The following VPS13C variants were observed in gnomAD, a reference collection of about 807,000 sequenced individuals.
VPS13C encodes the protein intermembrane lipid transfer protein VPS13C.
VPS13C carries 358 observed loss-of-function variants against 456.8 expected under a neutral mutation model. That is an observed-to-expected ratio of 0.78 (90% CI 0.72 to 0.86). The LOEUF is 0.86. Ranked by LOEUF, VPS13C falls within the 40% of genes least tolerant of loss-of-function variation. The probability of loss-of-function intolerance (pLI) is 0.00; values close to 1 mark genes in which losing one functional copy is unlikely to be tolerated. For missense variants in VPS13C, 4,818 were observed against 4,385.4 expected (o/e 1.10, Z -2.79); for synonymous variants, 1,578 against 1,486.7 (o/e 1.06, Z -1.41).
In VPS13C at chr15:61,920,710, C is replaced by T. The variant is rs962054672; in HGVS notation, c.7063-63G>A. 178 of 1,470,118 alleles carry T rather than the reference C, an allele frequency of 1.2e-4. 2 individuals carry two copies. Among genetic ancestry groups the T allele is most frequent in the Non-Finnish European group, 1.2e-4 (131 of 1,103,234 alleles). 91.1% of individuals were successfully genotyped at this position (1,470,118 alleles called of 1,614,324 possible). The stretch of plus-strand genomic sequence containing the variant: ...GCCAGTTGATAATAAAATAAAAATG[C>T]TGGAGTTCAGTTCTCCTAAACTGAT... On this transcript the variant is annotated intron_variant, in intron 55 of 84. Transcript: ENST00000644861.
At chr15:61,917,318 C>A in intron 60 of VPS13C, 23 bp downstream of exon 60, 1 of 1,601,358 alleles carries the variant, frequency 6.2e-7, no homozygotes, top group South Asian at 1.1e-5. Flanking sequence ...CAACAAAAAT[C>A]AAACAAAATG....
intron 15 of VPS13C, among the ~76,000 whole-genome samples, chr15:62,003,452 A>G (rs1412732874): frequency 1.3e-5 from 2 of 152,132 alleles, no homozygotes; most frequent in Non-Finnish European, 2.9e-5. Context: ...ATATACAATC[A>G]TGTCGTCTGC....
At chr15:61,956,374 A>ACCT (rs1418491266) in intron 37 of VPS13C, among the ~76,000 whole-genome samples, 1 of 152,092 alleles carries the variant, frequency 6.6e-6, no homozygotes, top group Non-Finnish European at 1.5e-5. Context: ...CCTATCAGGT[A>ACCT]CTATGCTCAC....
At chr15:62,009,110 G>T (rs1331575076) in intron 13 of VPS13C, among the ~76,000 whole-genome samples, 1 of 152,024 alleles carries the variant, frequency 6.6e-6, no homozygotes, top group Non-Finnish European at 1.5e-5. Context: ...ATGAAATATG[G>T]TATCTGTAAA....
In VPS13C at chr15:61,868,747, G is replaced by C; in HGVS notation, c.10775C>G (p.Ser3592Cys). 6.2e-7 allele frequency: 1 copy of C among 1,614,086 alleles called. No individual in the cohort carries two copies. Among genetic ancestry groups the C allele is most frequent in the African/African-American group, 1.3e-5 (1 of 75,062 alleles). ...GATCAGGCGAGGGGGACGGAGGCTA[G>C]ATACTTCCTCAGTTGATTCTGCTGC... ...QRAAESTEEVSSLRPPRLIHE... is the reference protein window; with the variant it reads ...QRAAESTEEVCSLRPPRLIHE... The change falls in exon 81 of 85, where the codon TCT becomes TGT. Residue 3592 changes from serine to cysteine, a missense_variant. By Grantham distance (112) the Ser-to-Cys change is moderately radical (BLOSUM62 -1). Transcript: ENST00000644861.
At chr15:62,009,731 C>T (rs1214110962) in intron 13 of VPS13C, among the ~76,000 whole-genome samples, 1 of 152,158 alleles carries the variant, frequency 6.6e-6, no homozygotes, top group Non-Finnish European at 1.5e-5. Context: ...CCTTTCACTT[C>T]CAGTTCACCA....
chr15:62,013,823 G>C, intron 10 of VPS13C, 110 bp downstream of exon 10: 2 of 770,258 alleles, frequency 2.6e-6, no homozygotes, highest in Non-Finnish European at 4.2e-6. Flanking sequence ...CTAGACCCTA[G>C]ACTTTTAACT....
At chr15:61,919,130 G>A (rs1472701922) in intron 58 of VPS13C, among the ~76,000 whole-genome samples, 159 bp downstream of exon 58, 1 of 152,078 alleles carries the variant, frequency 6.6e-6, no homozygotes, top group Non-Finnish European at 1.5e-5. Context: ...ACAGTAAATA[G>A]AAGCCATTTC....
At chr15:62,041,461 G>A in intron 2 of VPS13C, 95 bp from the exon 3 acceptor site, 1 of 1,271,486 alleles carries the variant, frequency 7.9e-7, no homozygotes, top group Non-Finnish European at 1.1e-6. Flanking sequence ...CATGTCCAAA[G>A]AAAAACAAAA....
intron 3 of VPS13C, among the ~76,000 whole-genome samples, chr15:62,040,769 G>A (rs2048215383): frequency 6.6e-6 from 1 of 151,964 alleles, no homozygotes; most frequent in Non-Finnish European, 1.5e-5. Context: ...GGACTAGATG[G>A]GAAGACTTTG....
Position 61,969,343 on chromosome 15 carries a change from A to G in VPS13C, c.2867T>C (p.Val956Ala). The G allele has an allele frequency of 6.2e-7, 1 of 1,603,452 alleles. No homozygotes were observed. The highest frequency in any genetic ancestry group is 1.3e-5 in the African/African-American group (1 of 74,692). ...ATMRTFDLTV[V>A]SYLKKISLDY... ...CAAGCTGATTTTCTTTAAATAAGATACCACAGTTAAGTCAAATGTTCTCAT... is the reference window on the plus strand; with the variant it reads ...CAAGCTGATTTTCTTTAAATAAGATGCCACAGTTAAGTCAAATGTTCTCAT... Residue 956 changes from valine (V) to alanine (A), a missense_variant, in exon 28 of 85, where the codon GTA becomes GCA. Physicochemically the swap from Val to Ala is moderately conservative, Grantham distance 64. Coordinates refer to ENST00000644861, the MANE Select transcript of VPS13C (RefSeq NM_020821.3).
intron 18 of VPS13C, among the ~76,000 whole-genome samples, chr15:61,988,536 T>C (rs534562968): frequency 4.6e-5 from 7 of 152,212 alleles, no homozygotes; most frequent in Non-Finnish European, 1.0e-4. Context: ...AATTAATTTA[T>C]AGAGTCAATA....
chr15:61,953,685 G>C (rs1303653691), intron 38 of VPS13C, among the ~76,000 whole-genome samples: 1 of 151,954 alleles, frequency 6.6e-6, no homozygotes, highest in African/African-American at 2.4e-5. Context: ...TGTGAATAGT[G>C]CCGCAATAAA....
At chr15:61,943,304 T>C (rs1199142803) in intron 45 of VPS13C, among the ~76,000 whole-genome samples, 3 of 151,918 alleles carry the variant, frequency 2.0e-5, no homozygotes, top group South Asian at 2.1e-4. Context: ...AGAACCCAAA[T>C]AACCAAAGCA....
intron 18 of VPS13C, among the ~76,000 whole-genome samples, chr15:61,988,842 A>C (rs2046138321): frequency 6.6e-6 from 1 of 152,166 alleles, no homozygotes; most frequent in African/African-American, 2.4e-5. Context: ...CTATGTAAGG[A>C]GACAGCTATA....
chr15:61,859,830 TTGA>T (rs1474715965), intron 82 of VPS13C, among the ~76,000 whole-genome samples: 1 of 151,968 alleles, frequency 6.6e-6, no homozygotes, highest in Non-Finnish European at 1.5e-5. Flanking sequence ...TTGTCATATG[TTGA>T]TGGTTTTTTT....
intron 20 of VPS13C, 56 bp downstream of exon 20, chr15:61,983,764 G>A: frequency 6.6e-7 from 1 of 1,522,714 alleles, no homozygotes; most frequent in Non-Finnish European, 8.9e-7. Flanking sequence ...TAAGAAAACA[G>A]TATGTCAGAA....
chr15:61,872,127 A>G, intron 78 of VPS13C, 93 bp from the exon 79 acceptor site: 1 of 886,544 alleles, frequency 1.1e-6, no homozygotes, highest in South Asian at 1.8e-5. Context: ...TACTGGAAAT[A>G]ACAACAACAA....
intron 15 of VPS13C, among the ~76,000 whole-genome samples, chr15:62,004,622 G>A (rs1407980132): frequency 1.5e-4 from 22 of 150,942 alleles, no homozygotes; most frequent in Admixed American, 2.6e-4. Flanking sequence ...TAGGGTGTCA[G>A]TTTTGGATCT....
Sources: allele counts gnomAD v4.1 joint callset (sites outside exome capture counted in the v4.1 genomes callset), GRCh38; gene constraint gnomAD v4.1.1; transcripts MANE v1.5; gene names NCBI Gene and HGNC (gene_info 2026-07-23, HGNC 2026-07-21).